C8orf58: variants seen among roughly 807,000 people sequenced by gnomAD.
C8orf58 encodes uncharacterized protein C8orf58.
Under a neutral mutation model 36.8 loss-of-function variants are expected in C8orf58, and 31 were observed. The observed-to-expected ratio is 0.84, with a 90% CI of 0.63 to 1.14. The LOEUF (loss-of-function observed/expected upper bound fraction) is 1.14, where lower values mean the gene tolerates loss of function less well. Among genes scored for constraint, C8orf58 ranks in the 50% most tolerant of loss-of-function variants. The pLI, the probability that C8orf58 is intolerant of heterozygous loss-of-function variation, is 0.00. For synonymous variants in C8orf58, 230 were observed against 200.2 expected (o/e 1.15, Z -1.26); for missense variants, 538 against 480.8 (o/e 1.12, Z -1.11).
chr8:22,602,468 G>A, intron 5 of C8orf58, 69 bp from the exon 6 acceptor site: 1 of 1,417,648 alleles, frequency 7.1e-7, no homozygotes, highest in Non-Finnish European at 9.9e-7. Flanking sequence ...GGCGACAGCT[G>A]TCTCTGGGAG....
Position 22,603,377 on chromosome 8 carries a change from C to A in C8orf58, c.*71C>A. 1 of 1,066,664 alleles carries A rather than the reference C, an allele frequency of 9.4e-7. No individual in the cohort carries two copies. The highest frequency in any genetic ancestry group is 1.5e-6 in the Non-Finnish European group (1 of 685,632). 66.1% of individuals were successfully genotyped at this position (1,066,664 alleles called of 1,614,324 possible). On this transcript the variant is annotated 3_prime_UTR_variant, in exon 7 of 7. Coordinates refer to ENST00000289989, the MANE Select transcript of C8orf58 (RefSeq NM_001013842.3). ...TGAAGTCTTCCTCGCCCTCTGCCCT[C>A]TTGCTGCTTCTCCACATTGCCAGGA...
rs1420831380 is a variant in C8orf58 at position 22,601,149 on chromosome 8, C to A, written c.308C>A (p.Ala103Asp). 1 of 1,610,702 alleles carries A rather than the reference C, an allele frequency of 6.2e-7. No homozygotes were observed. The highest frequency in any genetic ancestry group is 8.5e-7 in the Non-Finnish European group (1 of 1,179,424). The stretch of plus-strand genomic sequence containing the variant: ...TCCTCAGGGAGTTCTGAGCCCCCCG[C>A]CCAGGTAGGCCGACTCCTGGCCAGC... ...FESSGSSEPP[A>D]QVGRLLASQK... The change falls in exon 2 of 7, where the codon GCC becomes GAC. Residue 103 changes from alanine (A) to aspartate (D), a missense_variant. By Grantham distance (126) the Ala-to-Asp change is moderately radical. Transcript: ENST00000289989.
rs566800566 is a variant in C8orf58 at position 22,602,877 on chromosome 8, C to T, written c.986+234C>T. On this transcript the variant is annotated intron_variant, in intron 6 of 6. Transcript: ENST00000289989. Reference sequence around the variant, plus strand: ...AAGCCGCACGGTGAGTCAGTGACAGCTAGGACCAGAATGTGGGAAATCTGC... The same window carrying T: ...AAGCCGCACGGTGAGTCAGTGACAGTTAGGACCAGAATGTGGGAAATCTGC... 19 of 581,022 alleles carry T rather than the reference C, an allele frequency of 3.3e-5. No homozygotes were observed. The East Asian group carries it at 5.4e-4, about 16-fold the overall frequency. 36.0% of individuals were successfully genotyped at this position (581,022 alleles called of 1,614,324 possible). A position where few individuals can be genotyped will look rare whatever the true frequency, so the allele number is the denominator to read the frequency against.
chr8:22,601,031 C>G lies in C8orf58; in HGVS notation c.190C>G (p.Leu64Val). ...CGGCAGGGAGGCACTCTTTCTCAAA[C>G]TGGCCTCCCGGGACTCAGGAGTGGA... ...GVGREALFLK[L>V]ASRDSGVEMA... The change falls in exon 2 of 7, where the codon CTG (leucine) becomes GTG (valine). Residue 64 changes from leucine (L) to valine (V), a missense_variant. Physicochemically the swap from Leu to Val is conservative, Grantham distance 32. Coordinates refer to ENST00000289989, the MANE Select transcript of C8orf58 (RefSeq NM_001013842.3). The G allele has an allele frequency of 6.2e-7, 1 of 1,612,854 alleles. No homozygotes were observed. Among genetic ancestry groups the G allele is most frequent in the Non-Finnish European group, 8.5e-7 (1 of 1,180,016 alleles).
chr8:22,601,048 A>T lies in C8orf58; in HGVS notation c.207A>T (p.Ser69=). The T allele has an allele frequency of 6.2e-7, 1 of 1,612,848 alleles. No homozygotes were observed. The highest frequency in any genetic ancestry group is 8.5e-7 in the Non-Finnish European group (1 of 1,180,014). The change falls in exon 2 of 7, where the codon TCA becomes TCT. Residue 69 remains serine, a synonymous_variant. Transcript: ENST00000289989. ...TTCTCAAACTGGCCTCCCGGGACTC[A>T]GGAGTGGAGATGGCAGTTGGGGACA... The part of the protein sequence containing the change: ...ALFLKLASRD[S]GVEMAVGDSP...
In C8orf58 at chr8:22,602,075, A is replaced by T; in HGVS notation, c.761A>T (p.His254Leu). ...TGGGAGCTGCTAAGCCAGACAGAGC[A>T]CACAGGTGAGGGGCCATCGTGTCTC... is the stretch of plus-strand genomic sequence containing the variant. ...GPWELLSQTE[H>L]TGAKAASPPK... is the part of the protein sequence containing the mutation. Residue 254 changes from histidine (H) to leucine (L), a missense_variant, in exon 4 of 7, where the codon CAC (histidine) becomes CTC (leucine). By Grantham distance (99) the His-to-Leu change is moderately conservative. Coordinates refer to ENST00000289989, the MANE Select transcript of C8orf58 (RefSeq NM_001013842.3). The T allele has an allele frequency of 6.4e-7, 1 of 1,570,214 alleles. No individual in the cohort carries two copies.
chr8:22,603,339 A>G lies in C8orf58; in HGVS notation c.*33A>G. 2 of 1,476,998 alleles carry G rather than the reference A, an allele frequency of 1.4e-6. No individual in the cohort carries two copies. The highest frequency in any genetic ancestry group is 9.5e-7 in the Non-Finnish European group (1 of 1,055,318). 91.5% of individuals were successfully genotyped at this position (1,476,998 alleles called of 1,614,324 possible). A position where few individuals can be genotyped will look rare whatever the true frequency, so the allele number is the denominator to read the frequency against. On this transcript the variant is annotated 3_prime_UTR_variant, in exon 7 of 7. Transcript: ENST00000289989. The stretch of plus-strand genomic sequence containing the variant: ...CGGTGCACCTGGTGACCCTGGGTGG[A>G]GGGGACTTGCTGTGAAGTCTTCCTC...
chr8:22,599,840 T>G, intron 1 of C8orf58, 80 bp downstream of exon 1: 1 of 630,276 alleles, frequency 1.6e-6, no homozygotes, highest in Non-Finnish European at 2.2e-6. Context: ...GCACCCTCTC[T>G]CAGTTTCTTG....
In C8orf58 at chr8:22,601,316, G is replaced by A. The variant is rs774366641; in HGVS notation, c.475G>A (p.Glu159Lys). 1.2e-6 allele frequency: 2 copies of A among 1,600,276 alleles called. No individual in the cohort carries two copies. The highest frequency in any genetic ancestry group is 1.7e-6 in the Non-Finnish European group (2 of 1,170,466). ...TGGAGCAGGGCAACAGGAGTCCATG[G>A]AGGCAGACACAGACCTAGAGGCAGG... ...PLGAGQQESM[E>K]ADTDLEAGLE... The change falls in exon 2 of 7, where the codon GAG becomes AAG. Residue 159 changes from glutamate (E) to lysine (K), a missense_variant. Coordinates refer to ENST00000289989, the MANE Select transcript of C8orf58 (RefSeq NM_001013842.3).
chr8:22,602,778 A>G (rs963918788), intron 6 of C8orf58, 135 bp downstream of exon 6: 2 of 626,474 alleles, frequency 3.2e-6, no homozygotes, highest in African/African-American at 3.7e-5. Context: ...GCTAGAAGAA[A>G]CAGTAGTTAA....
In C8orf58 at chr8:22,602,040, G is replaced by A. The variant is rs1296882728; in HGVS notation, c.726G>A (p.Gly242=). 2 of 1,581,810 alleles carry A rather than the reference G, an allele frequency of 1.3e-6. No individual in the cohort carries two copies. The highest frequency in any genetic ancestry group is 2.3e-5 in the South Asian group (2 of 88,190). ...PSPLHTPGNR[G]QGPWELLSQT... is the part of the protein sequence containing the mutation. ...CGTTACACACCCCAGGCAATCGGGGGCAGGGGCCATGGGAGCTGCTAAGCC... is the reference window on the plus strand; with the variant it reads ...CGTTACACACCCCAGGCAATCGGGGACAGGGGCCATGGGAGCTGCTAAGCC... The change falls in exon 4 of 7, where the codon GGG becomes GGA. Residue 242 remains glycine, a synonymous_variant. Transcript: ENST00000289989.
rs768424771 is a variant in C8orf58 at position 22,601,754 on chromosome 8, C to A, written c.559C>A (p.Gln187Lys). The A allele has an allele frequency of 1.9e-6, 3 of 1,612,268 alleles. No homozygotes were observed. The highest frequency in any genetic ancestry group is 1.3e-5 in the African/African-American group (1 of 75,036). Residue 187 changes from glutamine to lysine, a missense_variant, in exon 3 of 7, where the codon CAG (glutamine) becomes AAG (lysine). Physicochemically the swap from Gln to Lys is moderately conservative, Grantham distance 53. Transcript: ENST00000289989. The stretch of plus-strand genomic sequence containing the variant: ...TGGAGCCTGGGCCTGCCTCCCCGGG[C>A]AGGGTCTTCGCTATCTGGAACACCT... ...GPGAWACLPG[Q>K]GLRYLEHLCL...
chr8:22,601,758 G>T lies in C8orf58; in HGVS notation c.563G>T (p.Gly188Val). 6.2e-7 allele frequency: 1 copy of T among 1,612,372 alleles called. No individual in the cohort carries two copies. Among genetic ancestry groups the T allele is most frequent in the Non-Finnish European group, 8.5e-7 (1 of 1,179,772 alleles). Residue 188 changes from glycine to valine, a missense_variant, in exon 3 of 7, where the codon GGT becomes GTT. Coordinates refer to ENST00000289989, the MANE Select transcript of C8orf58 (RefSeq NM_001013842.3). ...GCCTGGGCCTGCCTCCCCGGGCAGG[G>T]TCTTCGCTATCTGGAACACCTGTGC... ...PGAWACLPGQ[G>V]LRYLEHLCLV... is the part of the protein sequence containing the mutation.
rs371650009 is a variant in C8orf58 at position 22,603,280 on chromosome 8, C to G, written c.1072C>G (p.Arg358Gly). The G allele has an allele frequency of 1.9e-6, 3 of 1,613,886 alleles. No individual in the cohort carries two copies. The highest frequency in any genetic ancestry group is 1.7e-5 in the Admixed American group (1 of 60,026). ...GCCATCATTAGTGGTTAAGAAGCAA[C>G]GAGCAAAAAACCTTTCTGTAGGCTG... is the stretch of plus-strand genomic sequence containing the variant. Reference protein sequence around the residue: ...FMPSLVVKKQRAKNLSVG With the variant: ...FMPSLVVKKQGAKNLSVG Residue 358 changes from arginine (R) to glycine (G), a missense_variant, in exon 7 of 7, where the codon CGA becomes GGA. Transcript: ENST00000289989.
In C8orf58 at chr8:22,599,744, C is replaced by A. The variant is rs1435095045; in HGVS notation, c.24C>A (p.Phe8Leu). ...CCATGATGGGCCGGCGGCGCGCCTT[C>A]GCCGTGGACGGCCGGGGTGAGTCAC... is the stretch of plus-strand genomic sequence containing the variant. MMGRRRAFAVDGRDGAGE... is the reference protein window; with the variant it reads MMGRRRALAVDGRDGAGE... Residue 8 changes from phenylalanine to leucine, a missense_variant, in exon 1 of 7, where the codon TTC becomes TTA. By Grantham distance (22) the Phe-to-Leu change is conservative. Transcript: ENST00000289989. 1.6e-6 allele frequency: 2 copies of A among 1,219,418 alleles called. No individual in the cohort carries two copies. Among genetic ancestry groups the A allele is most frequent in the Non-Finnish European group, 2.0e-6 (2 of 980,032 alleles). 75.5% of individuals were successfully genotyped at this position (1,219,418 alleles called of 1,614,324 possible). A position where few individuals can be genotyped will look rare whatever the true frequency, so the allele number is the denominator to read the frequency against.
chr8:22,601,938 C>A (rs1332211681), intron 3 of C8orf58, 34 bp from the exon 4 acceptor site: 1 of 1,545,876 alleles, frequency 6.5e-7, no homozygotes. Context: ...AGCCCTCTAG[C>A]CAGGCCCTGA....
At position 22,601,072 on chromosome 8, in the gene C8orf58, C is replaced by G; in HGVS notation, c.231C>G (p.Asp77Glu). ...RDSGVEMAVG[D>E]SPLAALPGLS... ...CAGGAGTGGAGATGGCAGTTGGGGA[C>G]AGCCCCCTGGCCGCCTTACCGGGCC... The change falls in exon 2 of 7, where the codon GAC (aspartate) becomes GAG (glutamate). Residue 77 changes from aspartate to glutamate, a missense_variant. By Grantham distance (45) the Asp-to-Glu change is conservative (BLOSUM62 2). Coordinates refer to ENST00000289989, the MANE Select transcript of C8orf58 (RefSeq NM_001013842.3). The G allele has an allele frequency of 6.2e-7, 1 of 1,612,764 alleles. No individual in the cohort carries two copies. The highest frequency in any genetic ancestry group is 8.5e-7 in the Non-Finnish European group (1 of 1,180,010).
intron 1 of C8orf58, chr8:22,600,033 T>G (rs1800805110): frequency 6.4e-6 from 2 of 312,714 alleles, no homozygotes; most frequent in Admixed American, 1.0e-4. Context: ...CCGCTCCTTC[T>G]GAGGATGTGG....
chr8:22,602,614 C>T lies in C8orf58; in HGVS notation c.957C>T (p.Pro319=). 1 of 1,559,236 alleles carries T rather than the reference C, an allele frequency of 6.4e-7. No individual in the cohort carries two copies. The change falls in exon 6 of 7, where the codon CCC becomes CCT. Residue 319 remains proline (P), a synonymous_variant. Coordinates refer to ENST00000289989, the MANE Select transcript of C8orf58 (RefSeq NM_001013842.3). ...GGAGAAGCCACCACCACCCTGAGCC[C>T]CCTGCCCCTCCTGATGGCTCTGACC... ...ICRRSHHHPE[P]PAPPDGSDPR...
Sources: gnomAD v4.1 joint callset for allele counts on GRCh38, gnomAD v4.1.1 for gene constraint, MANE v1.5 for transcripts, NCBI Gene and HGNC (gene_info 2026-07-23, HGNC 2026-07-21) for gene names.